FAM149B1: variants seen among roughly 807,000 people sequenced by gnomAD.
FAM149B1 encodes the protein primary cilium assembly protein FAM149B1.
In FAM149B1, 56 loss-of-function variants were observed where a neutral mutation model predicts 75.3. The observed-to-expected ratio is 0.74, with a 90% confidence interval of 0.60 to 0.93. The LOEUF (loss-of-function observed/expected upper bound fraction) is 0.93, where lower values mean the gene tolerates loss of function less well. Ranked by LOEUF, FAM149B1 falls within the 40% of genes least tolerant of loss-of-function variation. The pLI, the probability that FAM149B1 is intolerant of heterozygous loss-of-function variation, is 0.00. For missense variants in FAM149B1, 639 were observed against 708.4 expected (o/e 0.90, Z 1.11); for synonymous variants, 259 against 256.1 (o/e 1.01, Z -0.11).
At chr10:73,199,571 A>G (rs903064277) in intron 5 of FAM149B1, among the ~76,000 whole-genome samples, 5 of 151,388 alleles carry the variant, frequency 3.3e-5, no homozygotes, top group African/African-American at 1.2e-4. Context: ...GGGTCTCACT[A>G]TGTTGCCCAG....
intron 5 of FAM149B1, among the ~76,000 whole-genome samples, chr10:73,195,547 AACTTTAT>A (rs1165788282): frequency 6.6e-6 from 1 of 152,186 alleles, no homozygotes; most frequent in Admixed American, 6.5e-5. Context: ...TGTTAGTGTA[AACTTTAT>A]ATGTGCCTTA....
chr10:73,192,057 G>A (rs1029779298), intron 3 of FAM149B1, among the ~76,000 whole-genome samples: 6 of 151,864 alleles, frequency 4.0e-5, no homozygotes, highest in African/African-American at 9.7e-5. Flanking sequence ...GTACTACCAC[G>A]CCTGGCTAAT....
intron 5 of FAM149B1, 136 bp from the exon 6 acceptor site, chr10:73,208,483 G>T (rs2043116273): frequency 1.8e-6 from 1 of 542,258 alleles, no homozygotes; most frequent in Non-Finnish European, 3.2e-6. Context: ...GAAATGGTAG[G>T]TTATTGAGGC....
At chr10:73,194,229 T>C (rs1457976739) in intron 5 of FAM149B1, among the ~76,000 whole-genome samples, 2 of 152,150 alleles carry the variant, frequency 1.3e-5, no homozygotes, top group East Asian at 3.9e-4. Context: ...GATATTCTTA[T>C]TATTCAGGTC....
chr10:73,200,100 G>A (rs1475391670), intron 5 of FAM149B1: 3 of 168,280 alleles, frequency 1.8e-5, no homozygotes, highest in Non-Finnish European at 3.9e-5. Context: ...AGGCCGAGGC[G>A]GGTAGATTAC....
intron 3 of FAM149B1, among the ~76,000 whole-genome samples, chr10:73,184,164 T>G (rs77733274): frequency 0.035 from 5,298 of 152,082 alleles, 149 homozygotes; most frequent in South Asian, 0.12. Flanking sequence ...GAAATTAAAA[T>G]CAGATGCAAA....
At chr10:73,240,436 G>A (rs1432315767) in intron 13 of FAM149B1, among the ~76,000 whole-genome samples, 2 of 152,158 alleles carry the variant, frequency 1.3e-5, no homozygotes, top group Non-Finnish European at 2.9e-5. Context: ...TAACTGGCTG[G>A]GCGTGGTGGC....
intron 7 of FAM149B1, among the ~76,000 whole-genome samples, chr10:73,220,906 A>G (rs890761958): frequency 3.3e-5 from 5 of 152,240 alleles, no homozygotes; most frequent in African/African-American, 1.2e-4. Context: ...TGGCAGCCCT[A>G]GCAGACTAGT....
At chr10:73,220,790 C>T (rs937559103) in intron 7 of FAM149B1, among the ~76,000 whole-genome samples, 1 of 152,106 alleles carries the variant, frequency 6.6e-6, no homozygotes, top group Non-Finnish European at 1.5e-5. Flanking sequence ...AAGAAGGTGG[C>T]CACCGGAAAG....
chr10:73,197,684 C>T (rs1270022746), intron 5 of FAM149B1, among the ~76,000 whole-genome samples: 2 of 152,006 alleles, frequency 1.3e-5, no homozygotes, highest in East Asian at 3.9e-4. Context: ...GCAGGAGAAT[C>T]CCTTGAACTC....
intron 7 of FAM149B1, among the ~76,000 whole-genome samples, chr10:73,214,672 T>C (rs2043257911): frequency 6.6e-6 from 1 of 152,232 alleles, no homozygotes. Flanking sequence ...TGTTGTATTA[T>C]CTTTTTGATG....
Position 73,239,381 on chromosome 10 carries a change from G to T in FAM149B1, c.1672G>T (p.Ala558Ser), listed in dbSNP as rs1232920947. Residue 558 changes from alanine to serine, a missense_variant, in exon 13 of 14, where the codon GCA (alanine) becomes TCA (serine). Ala to Ser is a moderately conservative substitution (Grantham distance 99). Coordinates refer to ENST00000242505, the MANE Select transcript of FAM149B1 (RefSeq NM_173348.2). ...TCAGGCCCGACCTGGCAGGGGATCT[G>T]CAGGTAAAGGTGGGGCCATGGCCCT... is the stretch of plus-strand genomic sequence containing the variant. ...PHQARPGRGS[A>S]GPQLHGSTKS... 1 of 1,551,142 alleles carries T rather than the reference G, an allele frequency of 6.4e-7. No individual in the cohort carries two copies. The highest frequency in any genetic ancestry group is 1.4e-5 in the African/African-American group (1 of 73,040).
chr10:73,196,365 A>G (rs930888997), intron 5 of FAM149B1, among the ~76,000 whole-genome samples: 22 of 151,254 alleles, frequency 1.5e-4, no homozygotes, highest in African/African-American at 5.3e-4. Flanking sequence ...TCTGTCACCC[A>G]GGCTGGAGTG....
chr10:73,188,962 G>A (rs2133328861), intron 3 of FAM149B1, among the ~76,000 whole-genome samples: 1 of 151,812 alleles, frequency 6.6e-6, no homozygotes, highest in South Asian at 2.1e-4. Context: ...GAGAGGCTGA[G>A]GCCACCAGAT....
intron 9 of FAM149B1, among the ~76,000 whole-genome samples, chr10:73,232,476 G>A (rs1343251228): frequency 6.6e-6 from 1 of 152,182 alleles, no homozygotes. Context: ...GCTACAGTGG[G>A]AGCCACACTG....
chr10:73,176,607 C>T (rs1843974323), intron 2 of FAM149B1, among the ~76,000 whole-genome samples: 4 of 152,062 alleles, frequency 2.6e-5, no homozygotes, highest in South Asian at 2.1e-4. Flanking sequence ...AATCATAGGC[C>T]GGGCGTGATG....
chr10:73,202,193 C>A (rs1264903894), intron 5 of FAM149B1, among the ~76,000 whole-genome samples: 2 of 151,994 alleles, frequency 1.3e-5, no homozygotes, highest in Non-Finnish European at 2.9e-5. Flanking sequence ...ATAACATTTA[C>A]AAAGACAACT....
At position 73,242,593 on chromosome 10, in the gene FAM149B1, AAC is replaced by A. The variant is rs2133423445; in HGVS notation, c.*1576_*1577del. Reference sequence around the variant, plus strand: ...ATGTAGTAACTCTTTTATAAAAGGGAACAGATTCAGACAAGCTCAGTGGCCCA... The same window carrying A: ...ATGTAGTAACTCTTTTATAAAAGGGAAGATTCAGACAAGCTCAGTGGCCCA... On this transcript the variant is annotated 3_prime_UTR_variant, in exon 14 of 14. Coordinates refer to ENST00000242505, the MANE Select transcript of FAM149B1 (RefSeq NM_173348.2). 6.6e-6 allele frequency: 1 copy of A among 152,306 alleles called. No individual in the cohort carries two copies. Among genetic ancestry groups the A allele is most frequent in the South Asian group, 2.1e-4 (1 of 4,826 alleles). The allele number at this position is 152,306 out of a possible 1,614,324, so 9.4% of individuals were successfully genotyped here.
chr10:73,217,433 T>A (rs2043322190), intron 7 of FAM149B1, among the ~76,000 whole-genome samples: 1 of 152,200 alleles, frequency 6.6e-6, no homozygotes, highest in Non-Finnish European at 1.5e-5. Context: ...ACCTCACATA[T>A]TTGTGAGTCT....
Sources: gnomAD v4.1 joint callset for allele counts (sites outside exome capture counted in the v4.1 genomes callset) on GRCh38, gnomAD v4.1.1 for gene constraint, MANE v1.5 for transcripts, NCBI Gene and HGNC (gene_info 2026-07-23, HGNC 2026-07-21) for gene names.